Variants in CFAP54 observed in about 807,000 individuals in gnomAD.
The protein encoded by CFAP54 is cilia- and flagella-associated protein 54.
Under a neutral mutation model 370.4 loss-of-function variants are expected in CFAP54, and 290 were observed. That is an observed-to-expected ratio of 0.78 (90% CI 0.71 to 0.86). The LOEUF (loss-of-function observed/expected upper bound fraction) is 0.86. Ranked by LOEUF, CFAP54 falls within the 40% of genes least tolerant of loss-of-function variation. The pLI, the probability that CFAP54 is intolerant of heterozygous loss-of-function variation, is 0.00. For synonymous variants in CFAP54, 1,206 were observed against 1,236.5 expected (o/e 0.98, Z 0.52); for missense variants, 3,399 against 3,528.7 (o/e 0.96, Z 0.93).
intron 1 of CFAP54, among the ~76,000 whole-genome samples, chr12:96,496,464 A>G (rs1954955885): frequency 6.6e-6 from 1 of 151,916 alleles, no homozygotes; most frequent in Non-Finnish European, 1.5e-5. Context: ...TCTCATGAGG[A>G]CTCCTCTCCT....
chr12:96,535,511 T>G lies in CFAP54; in HGVS notation c.1706-4T>G. 1 of 1,528,770 alleles carries G rather than the reference T, an allele frequency of 6.5e-7. No homozygotes were observed. The highest frequency in any genetic ancestry group is 1.7e-4 in the Middle Eastern group (1 of 5,968). 94.7% of individuals were successfully genotyped at this position (1,528,770 alleles called of 1,614,324 possible). Reference sequence around the variant, plus strand: ...TTTCATTTTCCTCTACTTTATGAACTTAGATACTTGTTTGAAGACTTGTGG... The same window carrying G: ...TTTCATTTTCCTCTACTTTATGAACGTAGATACTTGTTTGAAGACTTGTGG... On this transcript the variant is annotated splice_region_variant and splice_polypyrimidine_tract_variant and intron_variant, in intron 11 of 67. Coordinates refer to ENST00000524981, the MANE Select transcript of CFAP54 (RefSeq NM_001306084.2).
At chr12:96,661,711 C>G (rs570779381) in intron 38 of CFAP54, among the ~76,000 whole-genome samples, 22 of 152,304 alleles carry the variant, frequency 1.4e-4, no homozygotes, top group African/African-American at 4.6e-4. Flanking sequence ...AATCCCTTCA[C>G]AGTAGCACCT....
At chr12:96,658,164 CT>C in intron 37 of CFAP54, 46 bp from the exon 38 acceptor site, 1 of 1,549,812 alleles carries the variant, frequency 6.5e-7, no homozygotes, top group Non-Finnish European at 8.8e-7. Context: ...AAAAAAAAGT[CT>C]TTTAACTAAT....
chr12:96,726,930 T>C (rs1260084046), intron 50 of CFAP54, among the ~76,000 whole-genome samples: 1 of 152,208 alleles, frequency 6.6e-6, no homozygotes, highest in African/African-American at 2.4e-5. Flanking sequence ...CATTTCGTTA[T>C]GTACCCAGTA....
intron 66 of CFAP54, among the ~76,000 whole-genome samples, chr12:96,853,927 T>C (rs1380530830): frequency 6.6e-6 from 1 of 151,884 alleles, no homozygotes; most frequent in Admixed American, 6.6e-5. Context: ...GAGACCAAAA[T>C]GCTCTATTTG....
chr12:96,489,651 C>T lies in CFAP54; in HGVS notation c.42C>T (p.Asp14=), dbSNP rs755720435. The T allele has an allele frequency of 2.6e-6, 4 of 1,533,232 alleles. No homozygotes were observed. The highest frequency in any genetic ancestry group is 2.4e-5 in the South Asian group (2 of 84,016). 95.0% of individuals were successfully genotyped at this position (1,533,232 alleles called of 1,614,324 possible). A position where few individuals can be genotyped will look rare whatever the true frequency, so the allele number is the denominator to read the frequency against. ...CCCCCTCGAGCTCTCCGTCAGACGA[C>T]TCTACCACCTCGGGGTCTCTGCCAG... The part of the protein sequence containing the change: ...QGSPSSSPSD[D]STTSGSLPEL... The change falls in exon 1 of 68, where the codon GAC becomes GAT. Residue 14 remains aspartate (D), a synonymous_variant. Coordinates refer to ENST00000524981, the MANE Select transcript of CFAP54 (RefSeq NM_001306084.2).
At chr12:96,644,714 G>A (rs12322815) in intron 33 of CFAP54, among the ~76,000 whole-genome samples, 2 of 152,102 alleles carry the variant, frequency 1.3e-5, no homozygotes, top group East Asian at 1.9e-4. Flanking sequence ...AAGTGCAAGG[G>A]AAATACCATA....
chr12:96,645,447 A>C (rs1956777270), intron 33 of CFAP54: 1 of 203,712 alleles, frequency 4.9e-6, no homozygotes, highest in African/African-American at 2.3e-5. Flanking sequence ...ATGAAATAAA[A>C]GAGGATACAA....
chr12:96,586,519 G>A (rs537982735), intron 22 of CFAP54, among the ~76,000 whole-genome samples: 2 of 152,292 alleles, frequency 1.3e-5, no homozygotes, highest in Non-Finnish European at 2.9e-5. Flanking sequence ...GAGACTTGAA[G>A]GAGATGAGGG....
At chr12:96,699,466 C>T (rs761615977) in intron 45 of CFAP54, among the ~76,000 whole-genome samples, 2 of 152,140 alleles carry the variant, frequency 1.3e-5, no homozygotes, top group Non-Finnish European at 2.9e-5. Flanking sequence ...AACAAACCTG[C>T]ACAGGTACCC....
In CFAP54 at chr12:96,786,882, G is replaced by A. The variant is rs866385123; in HGVS notation, c.8663G>A (p.Arg2888His). 1.4e-5 allele frequency: 21 copies of A among 1,531,364 alleles called. No homozygotes were observed. The Middle Eastern group carries it at 5.0e-4, about 37-fold the overall frequency. 94.9% of individuals were successfully genotyped at this position (1,531,364 alleles called of 1,614,324 possible). The change falls in exon 62 of 68, where the codon CGT becomes CAT. Residue 2888 changes from arginine to histidine, a missense_variant. Physicochemically the swap from Arg to His is conservative, Grantham distance 29 (BLOSUM62 0). Around this residue, in one of 3 missense-constraint regions of CFAP54, gnomAD observed 2,796 missense variants for 2,869.7 expected, o/e 0.97. Transcript: ENST00000524981. ...CCCCCTCTTTCAGAAAAAGACTTAC[G>A]TGAATCATCTGCCAAGGTAACGTTT... is the stretch of plus-strand genomic sequence containing the variant. ...ENPPLSEKDL[R>H]ESSAKLYRDS...
At chr12:96,512,918 A>C (rs1955189139) in intron 4 of CFAP54, 68 bp from the exon 5 acceptor site, 1 of 1,075,220 alleles carries the variant, frequency 9.3e-7, no homozygotes, top group Non-Finnish European at 1.3e-6. Flanking sequence ...CTTGAACCAC[A>C]GAAATTGGAA....
chr12:96,532,064 T>C (rs1211278949), intron 9 of CFAP54, among the ~76,000 whole-genome samples: 1 of 152,226 alleles, frequency 6.6e-6, no homozygotes, highest in Non-Finnish European at 1.5e-5. Context: ...ATCCACTTGG[T>C]TCTTTTTTCA....
chr12:96,572,171 G>A (rs1192151591), intron 19 of CFAP54, among the ~76,000 whole-genome samples: 1 of 152,138 alleles, frequency 6.6e-6, no homozygotes, highest in Non-Finnish European at 1.5e-5. Flanking sequence ...GATAAACAAA[G>A]CACTGTCCTT....
At position 96,775,389 on chromosome 12, in the gene CFAP54, A is replaced by G. The variant is rs113624082; in HGVS notation, c.8282-9328A>G. 9.3e-3 allele frequency among the ~76,000 whole-genome samples: 1,412 copies of G among 152,320 alleles called. 22 individuals carry two copies. Among genetic ancestry groups the G allele is most frequent in the African/African-American group, 0.032 (1,315 of 41,574 alleles). ...GGTTGCAGTGAGCTGAGATGGCGCT[A>G]CTGCACTCCAGCCCAAGCAACAGAG... On this transcript the variant is annotated intron_variant, in intron 60 of 67. Coordinates refer to ENST00000524981, the MANE Select transcript of CFAP54 (RefSeq NM_001306084.2).
intron 26 of CFAP54, among the ~76,000 whole-genome samples, chr12:96,616,119 T>C (rs1465893850): frequency 6.6e-6 from 1 of 152,206 alleles, no homozygotes. Context: ...AAGCCAAATG[T>C]CCAACAATGA....
At position 96,573,711 on chromosome 12, in the gene CFAP54, T is replaced by C. The variant is rs1048645141; in HGVS notation, c.2620-2874T>C. Among the ~76,000 whole-genome samples the C allele has an allele frequency of 4.6e-5, 7 of 152,310 alleles. No individual in the cohort carries two copies. The East Asian group carries it at 1.2e-3, about 25-fold the overall frequency. ...GAGGCAATGGAGGAAACAGATGTCA[T>C]CTTATCTCCTTGATTCATTCATTCA... On this transcript the variant is annotated intron_variant, in intron 19 of 67. Coordinates refer to ENST00000524981, the MANE Select transcript of CFAP54 (RefSeq NM_001306084.2).
At chr12:96,753,555 A>G (rs1232654481) in intron 55 of CFAP54, among the ~76,000 whole-genome samples, 188 bp from the exon 56 acceptor site, 3 of 152,220 alleles carry the variant, frequency 2.0e-5, no homozygotes, top group Admixed American at 6.5e-5. Context: ...TCAAAGGGTT[A>G]TTACTGTAGT....
chr12:96,840,229 A>G (rs1411563068), intron 66 of CFAP54, among the ~76,000 whole-genome samples: 1 of 152,190 alleles, frequency 6.6e-6, no homozygotes, highest in African/African-American at 2.4e-5. Flanking sequence ...GTGTGTTTAG[A>G]CCCACACGGT....
Sources: allele counts gnomAD v4.1 joint callset (sites outside exome capture counted in the v4.1 genomes callset), GRCh38; gene constraint gnomAD v4.1.1; regional missense constraint gnomAD v4.1.1; transcripts MANE v1.5; gene names NCBI Gene and HGNC (gene_info 2026-07-23, HGNC 2026-07-21).